NEK9: variants seen among roughly 807,000 people sequenced by gnomAD.
The protein encoded by NEK9 is serine/threonine-protein kinase Nek9.
In NEK9, 75 loss-of-function variants were observed where a neutral mutation model predicts 123.4. That is an observed-to-expected ratio of 0.61 (90% confidence interval 0.50 to 0.74). The LOEUF is 0.74. Among genes scored for constraint, NEK9 ranks in the 30% least tolerant of loss-of-function variants. The pLI, the probability that NEK9 is intolerant of heterozygous loss-of-function variation, is 0.00. For synonymous variants in NEK9, 438 were observed against 458.7 expected, an observed-to-expected ratio of 0.95 and a Z score of 0.58; for missense variants, 952 against 1,214.4, an observed-to-expected ratio of 0.78 and a Z score of 3.21.
At chr14:75,095,619 A>G (rs1295650125) in intron 17 of NEK9, among the ~76,000 whole-genome samples, 188 bp from the exon 18 acceptor site, 1 of 152,250 alleles carries the variant, frequency 6.6e-6, no homozygotes, top group Non-Finnish European at 1.5e-5. Flanking sequence ...CACTATCTAC[A>G]TTAGCAACTG....
intron 21 of NEK9, 157 bp from the exon 22 acceptor site, chr14:75,084,843 T>C: frequency 1.2e-6 from 1 of 844,956 alleles, no homozygotes; most frequent in Non-Finnish European, 1.9e-6. Flanking sequence ...GGCACTATTT[T>C]AGATACAGTC....
At position 75,120,556 on chromosome 14, in the gene NEK9, T is replaced by G; in HGVS notation, c.478A>C (p.Ile160Leu). The G allele has an allele frequency of 6.2e-7, 1 of 1,612,798 alleles. No individual in the cohort carries two copies. Among genetic ancestry groups the G allele is most frequent in the Non-Finnish European group, 8.5e-7 (1 of 1,179,254 alleles). ...TGGATGCAGCTCACTGCTGAAACAA[T>G]CTGAAATAGGTACCACACCACCATC... ...EEMVVWYLFQ[I>L]VSAVSCIHKA... The change falls in exon 4 of 22, where the codon ATT becomes CTT. Residue 160 changes from isoleucine to leucine, a missense_variant. Coordinates refer to ENST00000238616, the MANE Select transcript of NEK9 (RefSeq NM_033116.6).
At chr14:75,114,617 C>T (rs894268296) in intron 6 of NEK9, among the ~76,000 whole-genome samples, 3 of 152,170 alleles carry the variant, frequency 2.0e-5, no homozygotes, top group Admixed American at 2.0e-4. Flanking sequence ...ATTAGCCATC[C>T]TTGTTGGCTT....
rs1894050540 is a variant in NEK9, at chr14:75,087,090, C to T, written c.2745G>A (p.Lys915=). ...LVLKCLAEQQ[K]LQQENLQIFT... is the part of the protein sequence containing the mutation. ...AAATCTGGAGGTTTTCTTGCTGTAG[C>T]TTCTGTTGTTCAGCCAGACACTTTA... The change falls in exon 21 of 22, where the codon AAG becomes AAA. Residue 915 remains lysine (K), a synonymous_variant. Coordinates refer to ENST00000238616, the MANE Select transcript of NEK9 (RefSeq NM_033116.6). The T allele has an allele frequency of 3.7e-6, 6 of 1,614,114 alleles. No individual in the cohort carries two copies. The highest frequency in any genetic ancestry group is 1.3e-5 in the African/African-American group (1 of 74,934).
At chr14:75,106,762 A>G in intron 11 of NEK9, 60 bp from the exon 12 acceptor site, 1 of 1,422,744 alleles carries the variant, frequency 7.0e-7, no homozygotes. Flanking sequence ...CTAATCAGAA[A>G]GTTGGGCAGG....
intron 21 of NEK9, chr14:75,085,012 G>T (rs1233624703): frequency 7.3e-6 from 2 of 274,762 alleles, no homozygotes; most frequent in Non-Finnish European, 1.5e-5. Flanking sequence ...CCTTGTGTGT[G>T]TGTGTGTTTT....
At chr14:75,125,229 T>A (rs1895483218) in intron 1 of NEK9, among the ~76,000 whole-genome samples, 1 of 152,196 alleles carries the variant, frequency 6.6e-6, no homozygotes, top group African/African-American at 2.4e-5. Flanking sequence ...TTAGACCCCA[T>A]ACACTGAAAT....
At chr14:75,127,194 G>A (rs1895573058), upstream of NEK9, 2 of 415,116 alleles carry the variant, frequency 4.8e-6, no homozygotes, top group South Asian at 8.7e-5. Flanking sequence ...TCGGGCTAGG[G>A]TTGGCGGGCG....
At chr14:75,091,119 C>A in intron 19 of NEK9, 151 bp downstream of exon 19, 1 of 565,440 alleles carries the variant, frequency 1.8e-6, no homozygotes, top group Non-Finnish European at 2.9e-6. Context: ...AGTGATTAGG[C>A]AATTTCTTTC....
chr14:75,123,911 A>G, intron 2 of NEK9, 135 bp downstream of exon 2: 1 of 741,062 alleles, frequency 1.3e-6, no homozygotes, highest in Non-Finnish European at 2.0e-6. Flanking sequence ...CAAGGCCTGA[A>G]AAGTTTCTCT....
At position 75,107,379 on chromosome 14, in the gene NEK9, C is replaced by T. The variant is rs1195173298; in HGVS notation, c.1291G>A (p.Val431Met). The T allele has an allele frequency of 6.2e-7, 1 of 1,613,970 alleles. No homozygotes were observed. Residue 431 changes from valine (V) to methionine (M), a missense_variant, in exon 11 of 22, where the codon GTG becomes ATG. Physicochemically the swap from Val to Met is conservative, Grantham distance 21 (BLOSUM62 1). This residue lies in a region of NEK9 where 698 missense variants were observed against 875.6 expected (regional missense o/e 0.80). Transcript: ENST00000238616. ...ACAGTGAAATCATCACCACATGACA[C>T]CTGACGGATAGCTTTGCCTTGCAAC... Reference protein sequence around the residue: ...EKLQGKAIRQVSCGDDFTVCV... With the variant: ...EKLQGKAIRQMSCGDDFTVCV...
rs2139775295 is a variant in NEK9, at chr14:75,109,727, G to C, written c.1140C>G (p.His380Gln). The change falls in exon 10 of 22, where the codon CAC (histidine) becomes CAG (glutamine). Residue 380 changes from histidine to glutamine, a missense_variant. By Grantham distance (24) the His-to-Gln change is conservative. Transcript: ENST00000238616. Reference sequence around the variant, plus strand: ...CCTTCTCCACTGTGACCACAGCAAAGTGGGTATTCCCTGCACAGACCTGCC... The same window carrying C: ...CCTTCTCCACTGTGACCACAGCAAACTGGGTATTCCCTGCACAGACCTGCC... ...SARQVCAGNT[H>Q]FAVVTVEKEL... The C allele has an allele frequency of 1.9e-6, 3 of 1,614,042 alleles. No individual in the cohort carries two copies. The highest frequency in any genetic ancestry group is 1.7e-4 in the Middle Eastern group (1 of 6,060).
chr14:75,126,560 A>C (rs534009328), intron 1 of NEK9, 143 bp downstream of exon 1: 210 of 486,348 alleles, frequency 4.3e-4, no homozygotes, highest in African/African-American at 3.7e-3. Context: ...GGTGAGTGGG[A>C]AGAGTGGTGA....
At position 75,084,482 on chromosome 14, in the gene NEK9, G is replaced by A; in HGVS notation, c.*82C>T. 6.5e-7 allele frequency: 1 copy of A among 1,547,762 alleles called. No homozygotes were observed. The highest frequency in any genetic ancestry group is 1.4e-5 in the African/African-American group (1 of 72,820). On this transcript the variant is annotated 3_prime_UTR_variant, in exon 22 of 22. Coordinates refer to ENST00000238616, the MANE Select transcript of NEK9 (RefSeq NM_033116.6). ...CTTTTCTGCAAGTGAACAAAGCCAG[G>A]AAAGCTGCTCTCTGCATTCGGTAAG...
chr14:75,092,928 C>G (rs552843741), intron 18 of NEK9, among the ~76,000 whole-genome samples: 1 of 152,016 alleles, frequency 6.6e-6, no homozygotes, highest in African/African-American at 2.4e-5. Flanking sequence ...TGAGATCCTA[C>G]GGAAGCAGCA....
chr14:75,082,576 C>G lies in NEK9; in HGVS notation c.*1988G>C. On this transcript the variant is annotated 3_prime_UTR_variant, in exon 22 of 22. Coordinates refer to ENST00000238616, the MANE Select transcript of NEK9 (RefSeq NM_033116.6). Reference sequence around the variant, plus strand: ...TAGAGAAAATGACCACAGCGTTCCACTGCTAGGGAAAGGCTCCCCTATGAA... The same window carrying G: ...TAGAGAAAATGACCACAGCGTTCCAGTGCTAGGGAAAGGCTCCCCTATGAA... The G allele has an allele frequency of 5.9e-6, 1 of 168,872 alleles. No individual in the cohort carries two copies. The highest frequency in any genetic ancestry group is 1.3e-5 in the Non-Finnish European group (1 of 79,326). 10.5% of individuals were successfully genotyped at this position (168,872 alleles called of 1,614,324 possible). A position where few individuals can be genotyped will look rare whatever the true frequency, so the allele number is the denominator to read the frequency against.
In NEK9 at chr14:75,087,189, T is replaced by C; in HGVS notation, c.2646A>G (p.Gly882=). ...LNPAVTCAGK[G]TPLTPPACAC... is the part of the protein sequence containing the mutation. ...CACACGCAGGAGGAGTCAGTGGTGTTCCCTTCCCAGCACAGGTTACTGCAG... is the reference window on the plus strand; with the variant it reads ...CACACGCAGGAGGAGTCAGTGGTGTCCCCTTCCCAGCACAGGTTACTGCAG... Residue 882 remains glycine (G), a synonymous_variant, in exon 21 of 22, where the codon GGA becomes GGG. Transcript: ENST00000238616. The C allele has an allele frequency of 6.2e-7, 1 of 1,614,028 alleles. No homozygotes were observed. Among genetic ancestry groups the C allele is most frequent in the South Asian group, 1.1e-5 (1 of 91,076 alleles).
chr14:75,089,576 C>T (rs892387737), intron 19 of NEK9, among the ~76,000 whole-genome samples: 1 of 150,576 alleles, frequency 6.6e-6, no homozygotes, highest in Non-Finnish European at 1.5e-5. Flanking sequence ...CACTCTGTCG[C>T]CCAGGCTGGA....
In NEK9 at chr14:75,097,142, G is replaced by GGACAT; in HGVS notation, c.2126_2130dup (p.Pro711MetfsTer20). 6.2e-7 allele frequency: 1 copy of GGACAT among 1,613,310 alleles called. No individual in the cohort carries two copies. Among genetic ancestry groups the GGACAT allele is most frequent in the Non-Finnish European group, 8.5e-7 (1 of 1,179,590 alleles). On this transcript the variant is annotated frameshift_variant, in exon 17 of 22. Coordinates refer to ENST00000238616, the MANE Select transcript of NEK9 (RefSeq NM_033116.6). LOFTEE classifies it high-confidence loss of function. ...TGCCATCCACGGCAAGACAGGTCCG[G>GGACAT]GACATGATGCAGAGATCCAAAAATA...
Sources: gnomAD v4.1 joint callset for allele counts (sites outside exome capture counted in the v4.1 genomes callset) on GRCh38, gnomAD v4.1.1 for gene constraint, gnomAD v4.1.1 regional missense constraint, MANE v1.5 for transcripts, NCBI Gene and HGNC (gene_info 2026-07-23, HGNC 2026-07-21) for gene names.